GBE1: variants seen among roughly 807,000 people sequenced by gnomAD.
GBE1 encodes the protein 1,4-alpha-glucan branching enzyme 1, also known as 1,4-alpha-glucan-branching enzyme.
Under a neutral mutation model 88.8 loss-of-function variants are expected in GBE1, and 70 were observed. The observed-to-expected ratio is 0.79, with a 90% CI of 0.65 to 0.96. The LOEUF (loss-of-function observed/expected upper bound fraction) is 0.96. Among genes scored for constraint, GBE1 ranks in the 40% least tolerant of loss-of-function variants. The probability of loss-of-function intolerance (pLI) is 0.00; values close to 1 mark genes in which losing one functional copy is unlikely to be tolerated. For synonymous variants in GBE1, 284 were observed against 300.1 expected (o/e 0.95, Z 0.56); for missense variants, 872 against 871.0 (o/e 1.00, Z -0.01).
rs1439271067 is a variant in GBE1 at position 81,528,288 on chromosome 3, TG to T, written c.1934+6906del. ...TACCTAATGTTAAATGACGAGTTAA[TG>T]GGTGCAAGCACACCAACATGGCACA... On this transcript the variant is annotated intron_variant, in intron 14 of 15. Coordinates refer to ENST00000429644, the MANE Select transcript of GBE1 (RefSeq NM_000158.4). 2.0e-5 allele frequency among the ~76,000 whole-genome samples: 3 copies of T among 151,490 alleles called. No homozygotes were observed. The East Asian group carries it at 5.8e-4, about 29-fold the overall frequency.
At chr3:81,554,367 G>C (rs1008254098) in intron 12 of GBE1, among the ~76,000 whole-genome samples, 4 of 152,160 alleles carry the variant, frequency 2.6e-5, no homozygotes, top group African/African-American at 7.2e-5. Context: ...AAATAAGGCA[G>C]AAAAATGGGA....
At position 81,528,333 on chromosome 3, in the gene GBE1, A is replaced by G. The variant is rs555728074; in HGVS notation, c.1934+6862T>C. Among the ~76,000 whole-genome samples the G allele has an allele frequency of 2.6e-5, 4 of 152,120 alleles. No individual in the cohort carries two copies. The South Asian group carries it at 6.2e-4, about 24-fold the overall frequency. ...TGGCACATGTATACATATGTAACAA[A>G]CCTGCATGTTATGCACATGTACCCT... On this transcript the variant is annotated intron_variant, in intron 14 of 15. Coordinates refer to ENST00000429644, the MANE Select transcript of GBE1 (RefSeq NM_000158.4).
intron 10 of GBE1, 51 bp from the exon 11 acceptor site, chr3:81,581,326 AT>A: frequency 1.9e-6 from 2 of 1,027,272 alleles, no homozygotes; most frequent in Non-Finnish European, 2.9e-6. Flanking sequence ...TATTTTTCTT[AT>A]TTTTAAATCA....
At chr3:81,507,629 TA>T (rs1230375575) in intron 14 of GBE1, among the ~76,000 whole-genome samples, 1 of 151,948 alleles carries the variant, frequency 6.6e-6, no homozygotes, top group Non-Finnish European at 1.5e-5. Context: ...TTTTAAAATA[TA>T]AAAAAGCCAA....
intron 7 of GBE1, among the ~76,000 whole-genome samples, chr3:81,616,556 T>A (rs1323186717): frequency 2.0e-5 from 3 of 152,216 alleles, no homozygotes; most frequent in East Asian, 3.9e-4. Context: ...TCCATCAATA[T>A]GTCTATCCCT....
At chr3:81,676,034 G>T (rs1705246421) in intron 2 of GBE1, among the ~76,000 whole-genome samples, 1 of 151,976 alleles carries the variant, frequency 6.6e-6, no homozygotes, top group South Asian at 2.1e-4. Context: ...TGTTTCTTAT[G>T]ATTTTCTTAA....
intron 1 of GBE1, among the ~76,000 whole-genome samples, chr3:81,742,371 G>C (rs1706361318): frequency 1.3e-5 from 2 of 152,034 alleles, no homozygotes; most frequent in African/African-American, 4.8e-5. Flanking sequence ...AAAAGTTCAG[G>C]TGGACAATTA....
At position 81,698,464 on chromosome 3, in the gene GBE1, T is replaced by C. The variant is rs145692388; in HGVS notation, c.313+6980A>G. On this transcript the variant is annotated intron_variant, in intron 2 of 15. Coordinates refer to ENST00000429644, the MANE Select transcript of GBE1 (RefSeq NM_000158.4). The stretch of plus-strand genomic sequence containing the variant: ...ACAAAAATGAATGAAAGCTAAAAGG[T>C]TTATGTAAAATAATCTACATGCAAA... 4.4e-3 allele frequency among the ~76,000 whole-genome samples: 670 copies of C among 152,278 alleles called. 5 individuals are homozygous for C. Among genetic ancestry groups the C allele is most frequent in the African/African-American group, 0.011 (464 of 41,560 alleles).
At chr3:81,503,771 A>C (rs1002707272) in intron 14 of GBE1, among the ~76,000 whole-genome samples, 1 of 152,180 alleles carries the variant, frequency 6.6e-6, no homozygotes, top group Non-Finnish European at 1.5e-5. Flanking sequence ...TTATGCCAAG[A>C]ATACGGCAGT....
intron 2 of GBE1, among the ~76,000 whole-genome samples, chr3:81,691,847 C>A (rs1164115711): frequency 1.3e-5 from 2 of 152,036 alleles, no homozygotes; most frequent in African/African-American, 2.4e-5. Context: ...TATTATTATT[C>A]ATCTGGGTAG....
At chr3:81,590,940 T>C in intron 9 of GBE1, 97 bp downstream of exon 9, 1 of 1,065,744 alleles carries the variant, frequency 9.4e-7, no homozygotes, top group South Asian at 2.3e-5. Context: ...ATTTACGCAA[T>C]TATTGACAAC....
intron 1 of GBE1, among the ~76,000 whole-genome samples, chr3:81,750,643 A>G (rs13067561): frequency 0.049 from 2,450 of 49,672 alleles, 430 homozygotes; most frequent in African/African-American, 0.21. Flanking sequence ...ATATATATAT[A>G]TGTATATATA....
chr3:81,524,601 G>C (rs1343439010), intron 14 of GBE1, among the ~76,000 whole-genome samples: 2 of 151,744 alleles, frequency 1.3e-5, no homozygotes, highest in African/African-American at 4.8e-5. Context: ...TGAGAGATAG[G>C]GATCTAGCTT....
intron 7 of GBE1, among the ~76,000 whole-genome samples, chr3:81,631,565 T>C (rs868781944): frequency 2.1e-4 from 32 of 150,508 alleles, no homozygotes; most frequent in Middle Eastern, 3.4e-3. Flanking sequence ...TGAAACCCCG[T>C]CTCTACTAAA....
At chr3:81,553,708 G>C (rs1321814627) in intron 12 of GBE1, among the ~76,000 whole-genome samples, 1 of 144,100 alleles carries the variant, frequency 6.9e-6, no homozygotes, top group Non-Finnish European at 1.5e-5. Context: ...AAAACAGACA[G>C]AAAGTACAAT....
intron 12 of GBE1, among the ~76,000 whole-genome samples, chr3:81,577,294 TTG>T (rs1323903267): frequency 6.6e-6 from 1 of 152,130 alleles, no homozygotes; most frequent in East Asian, 1.9e-4. Context: ...TCCCCAGTCT[TTG>T]TGTCTTTCTC....
At chr3:81,700,460 A>G (rs1317829412) in intron 2 of GBE1, among the ~76,000 whole-genome samples, 4 of 152,206 alleles carry the variant, frequency 2.6e-5, no homozygotes, top group African/African-American at 9.6e-5. Context: ...TTAAAACTCA[A>G]GCCCAAGTTT....
chr3:81,649,374 T>C (rs1389306200), intron 4 of GBE1, among the ~76,000 whole-genome samples: 1 of 152,090 alleles, frequency 6.6e-6, no homozygotes, highest in Non-Finnish European at 1.5e-5. Context: ...TTGTCACTAA[T>C]ATGGCGGTAA....
intron 1 of GBE1, among the ~76,000 whole-genome samples, chr3:81,732,708 T>C (rs1706206726): frequency 6.6e-6 from 1 of 152,162 alleles, no homozygotes; most frequent in Non-Finnish European, 1.5e-5. Context: ...TAACTAGTCG[T>C]CCTGTTTACA....
Sources: gnomAD v4.1 joint callset for allele counts (sites outside exome capture counted in the v4.1 genomes callset) on GRCh38, gnomAD v4.1.1 for gene constraint, MANE v1.5 for transcripts, NCBI Gene and HGNC (gene_info 2026-07-23, HGNC 2026-07-21) for gene names.